Variants in PTCHD4 observed in about 807,000 individuals in gnomAD.
PTCHD4 encodes patched domain containing 4, also known as patched domain-containing protein 4.
PTCHD4 carries 33 observed loss-of-function variants against 58.1 expected under a neutral mutation model. The observed-to-expected ratio is 0.57, with a 90% CI of 0.43 to 0.76. The LOEUF is 0.76. Ranked by LOEUF, PTCHD4 falls within the 30% of genes least tolerant of loss-of-function variation. PTCHD4 has a pLI of 0.00. For synonymous variants in PTCHD4, 478 were observed against 409.6 expected, an observed-to-expected ratio of 1.17 and a Z score of -2.02; for missense variants, 1,058 against 1,027.1, an observed-to-expected ratio of 1.03 and a Z score of -0.41.
At chr6:48,046,228 G>C (rs1562024902) in intron 3 of PTCHD4, among the ~76,000 whole-genome samples, 1 of 151,702 alleles carries the variant, frequency 6.6e-6, no homozygotes, top group African/African-American at 2.4e-5. Context: ...GTATATTGTT[G>C]GGCCACTGAT....
At chr6:48,084,735 CTTT>C (rs537327491) in intron 1 of PTCHD4, among the ~76,000 whole-genome samples, 1 of 137,896 alleles carries the variant, frequency 7.3e-6, no homozygotes, top group Non-Finnish European at 1.6e-5. Flanking sequence ...TTCTTTCTTT[CTTT>C]TTTTTTTTTT....
chr6:47,926,945 A>T (rs766767922), intron 4 of PTCHD4, among the ~76,000 whole-genome samples: 2 of 152,208 alleles, frequency 1.3e-5, no homozygotes, highest in Non-Finnish European at 2.9e-5. Flanking sequence ...GCACCATTTG[A>T]AGTTCATTTA....
At chr6:47,938,410 A>G (rs1307316803) in intron 4 of PTCHD4, among the ~76,000 whole-genome samples, 1 of 152,162 alleles carries the variant, frequency 6.6e-6, no homozygotes, top group Non-Finnish European at 1.5e-5. Flanking sequence ...AAAGAAGCAA[A>G]GGGATTAGAT....
intron 1 of PTCHD4, among the ~76,000 whole-genome samples, chr6:48,081,253 T>C (rs1236063997): frequency 6.6e-6 from 1 of 152,226 alleles, no homozygotes; most frequent in African/African-American, 2.4e-5. Context: ...ATGTGTACAT[T>C]AAAAGCGGGC....
intron 4 of PTCHD4, among the ~76,000 whole-genome samples, chr6:47,945,158 G>A (rs552341136): frequency 6.6e-6 from 1 of 152,100 alleles, no homozygotes; most frequent in South Asian, 2.1e-4. Flanking sequence ...TAATCATTAG[G>A]TACAATGCTA....
At chr6:48,058,117 T>G (rs1214014830) in intron 3 of PTCHD4, among the ~76,000 whole-genome samples, 1 of 152,256 alleles carries the variant, frequency 6.6e-6, no homozygotes, top group Non-Finnish European at 1.5e-5. Flanking sequence ...TAATTAAATC[T>G]GAATCTCTCT....
At chr6:48,051,814 C>T (rs889192178) in intron 3 of PTCHD4, among the ~76,000 whole-genome samples, 1 of 151,952 alleles carries the variant, frequency 6.6e-6, no homozygotes, top group Admixed American at 6.6e-5. Flanking sequence ...GAAAGATTTT[C>T]ACCAACAAGT....
intron 1 of PTCHD4, among the ~76,000 whole-genome samples, chr6:48,098,829 A>G (rs560837860): frequency 7.7e-4 from 117 of 152,340 alleles, no homozygotes; most frequent in African/African-American, 2.7e-3. Context: ...AAATAATGGA[A>G]ATAAGAATTA....
chr6:47,890,977 G>A (rs1764361145), intron 4 of PTCHD4: 1 of 661,898 alleles, frequency 1.5e-6, no homozygotes, highest in Non-Finnish European at 1.9e-6. Context: ...GGGGGCTGAG[G>A]CTGGTGGATC....
chr6:48,020,238 G>A lies in PTCHD4; in HGVS notation c.418-11124C>T, dbSNP rs572542782. ...TTCCTTACAGCTTTGTCTAAGGCAAGACTTACCTAACTGATTATGGGAACA... is the reference window on the plus strand; with the variant it reads ...TTCCTTACAGCTTTGTCTAAGGCAAAACTTACCTAACTGATTATGGGAACA... On this transcript the variant is annotated intron_variant, in intron 3 of 4. Transcript: ENST00000339488. 3.3e-5 allele frequency among the ~76,000 whole-genome samples: 5 copies of A among 152,112 alleles called. No individual in the cohort carries two copies. In the South Asian group the frequency reaches 1.0e-3, roughly 32 times the overall value.
chr6:47,880,762 T>G (rs1490098804), intron 4 of PTCHD4, among the ~76,000 whole-genome samples: 3 of 152,204 alleles, frequency 2.0e-5, no homozygotes, highest in Admixed American at 2.0e-4. Context: ...CAACACATAT[T>G]ACTTGAACAC....
At chr6:47,897,336 G>C (rs1764555626) in intron 4 of PTCHD4, among the ~76,000 whole-genome samples, 1 of 152,188 alleles carries the variant, frequency 6.6e-6, no homozygotes. Flanking sequence ...TCTCTCTCCT[G>C]CACTACTTGT....
At chr6:47,970,042 T>A (rs1016255594) in intron 4 of PTCHD4, among the ~76,000 whole-genome samples, 2 of 152,162 alleles carry the variant, frequency 1.3e-5, no homozygotes, top group African/African-American at 2.4e-5. Context: ...AGCATATGGA[T>A]GTAGCTGGGA....
At chr6:47,886,145 A>G (rs888522872) in intron 4 of PTCHD4, among the ~76,000 whole-genome samples, 2 of 148,824 alleles carry the variant, frequency 1.3e-5, no homozygotes, top group African/African-American at 4.9e-5. Context: ...TTCCCAGAGC[A>G]ATGTTGTTCT....
intron 4 of PTCHD4, among the ~76,000 whole-genome samples, chr6:47,914,832 C>A (rs1402652498): frequency 6.6e-6 from 1 of 150,892 alleles, no homozygotes; most frequent in African/African-American, 2.4e-5. Context: ...TCTGGAGAAC[C>A]CTGATTAATA....
chr6:47,903,726 C>T (rs1764788203), intron 4 of PTCHD4, among the ~76,000 whole-genome samples: 1 of 152,164 alleles, frequency 6.6e-6, no homozygotes, highest in African/African-American at 2.4e-5. Context: ...AGTCCCTTCC[C>T]TCATGGGACT....
chr6:48,050,898 T>C (rs1764209773), intron 3 of PTCHD4, among the ~76,000 whole-genome samples: 1 of 152,088 alleles, frequency 6.6e-6, no homozygotes, highest in Non-Finnish European at 1.5e-5. Context: ...CTAGATTTTC[T>C]ATTCATGATA....
intron 4 of PTCHD4, among the ~76,000 whole-genome samples, chr6:47,945,958 A>T (rs1006161394): frequency 2.0e-5 from 3 of 151,842 alleles, no homozygotes; most frequent in African/African-American, 4.8e-5. Flanking sequence ...TACTTTAAAA[A>T]TTTAATTATA....
chr6:47,919,914 A>G (rs1232766697), intron 4 of PTCHD4, among the ~76,000 whole-genome samples: 1 of 152,090 alleles, frequency 6.6e-6, no homozygotes, highest in Non-Finnish European at 1.5e-5. Flanking sequence ...GGCCAGTGGA[A>G]TGTGGGTGGA....
Sources: allele counts gnomAD v4.1 joint callset (sites outside exome capture counted in the v4.1 genomes callset), GRCh38; gene constraint gnomAD v4.1.1; transcripts MANE v1.5; gene names NCBI Gene and HGNC (gene_info 2026-07-23, HGNC 2026-07-21).